Variants in CASZ1 observed in about 807,000 individuals in gnomAD.
CASZ1 encodes castor zinc finger 1.
A neutral mutation model predicts 135.2 loss-of-function variants in CASZ1; 28 were observed. The observed-to-expected ratio is 0.21, with a 90% confidence interval of 0.15 to 0.28. CASZ1 has a LOEUF of 0.28. Among genes scored for constraint, CASZ1 ranks in the 10% least tolerant of loss-of-function variants. The pLI, the probability that CASZ1 is intolerant of heterozygous loss-of-function variation, is 1.00. For synonymous variants in CASZ1, 1,068 were observed against 1,073.4 expected (o/e 0.99, Z 0.10); for missense variants, 2,161 against 2,453.3 (o/e 0.88, Z 2.52).
Position 10,648,105 on chromosome 1 carries a change from C to T in CASZ1, c.3193G>A (p.Gly1065Arg), listed in dbSNP as rs1642431900. The change falls in exon 16 of 21, where the codon GGA becomes AGA. Residue 1065 changes from glycine to arginine, a missense_variant. Around this residue, in one of 7 missense-constraint regions of CASZ1, gnomAD observed 349 missense variants for 460.8 expected, o/e 0.76. Coordinates refer to ENST00000377022, the MANE Select transcript of CASZ1 (RefSeq NM_001079843.3). ...HFRTEGGAAKGNTEAAFPASA... is the reference protein window; with the variant it reads ...HFRTEGGAAKRNTEAAFPASA... ...GCCGGAAAGGCAGCCTCTGTGTTTC[C>T]TTTTGCTGCTCCTCCCTCTGTCCGG... 6.4e-7 allele frequency: 1 copy of T among 1,554,476 alleles called. No homozygotes were observed. Among genetic ancestry groups the T allele is most frequent in the Non-Finnish European group, 8.7e-7 (1 of 1,151,038 alleles).
chr1:10,659,881 G>C lies in CASZ1; in HGVS notation c.1161C>G (p.Ala387=). The stretch of plus-strand genomic sequence containing the variant: ...CCAGGCTGGGGGTGGGCGGAACCTT[G>C]GCGGGGCCTGGCTTCTGGATGCCCC... ...DVRGIQKPGP[A]KVPPTPSLAP... Residue 387 remains alanine (A), a synonymous_variant, in exon 6 of 21, where the codon GCC becomes GCG. Transcript: ENST00000377022. 6.2e-7 allele frequency: 1 copy of C among 1,610,982 alleles called. No individual in the cohort carries two copies. Among genetic ancestry groups the C allele is most frequent in the Non-Finnish European group, 8.5e-7 (1 of 1,178,848 alleles).
In CASZ1 at chr1:10,724,063, C is replaced by T. The variant is rs369273071; in HGVS notation, c.-76-18519G>A. 3.3e-5 allele frequency among the ~76,000 whole-genome samples: 5 copies of T among 152,258 alleles called. No homozygotes were observed. Among genetic ancestry groups the T allele is most frequent in the East Asian group, 1.9e-4 (1 of 5,178 alleles). On this transcript the variant is annotated intron_variant, in intron 2 of 20. Transcript: ENST00000377022. The surrounding 1 kb of genome is among the most constrained non-coding windows in gnomAD (Gnocchi z 4.1). ...TGAGGACAAGTCCAGTTTTCCAAACCGACCTTGGAGCTCTTTGACCACAGC... is the reference window on the plus strand; with the variant it reads ...TGAGGACAAGTCCAGTTTTCCAAACTGACCTTGGAGCTCTTTGACCACAGC...
rs1197018527 is a variant in CASZ1 at position 10,777,104 on chromosome 1, G to A, written c.-233-16247C>T. 1.3e-5 allele frequency among the ~76,000 whole-genome samples: 2 copies of A among 152,172 alleles called. No homozygotes were observed. Among genetic ancestry groups the A allele is most frequent in the African/African-American group, 2.4e-5 (1 of 41,426 alleles). On this transcript the variant is annotated intron_variant, in intron 1 of 20. Coordinates refer to ENST00000377022, the MANE Select transcript of CASZ1 (RefSeq NM_001079843.3). The surrounding 1 kb of genome is among the most constrained non-coding windows in gnomAD (Gnocchi z 4.4). ...TGACTAGCTGTAGGGCCTGCGGCACGAAGCAACCTCCCTCTGGGCCTCAGT... is the reference window on the plus strand; with the variant it reads ...TGACTAGCTGTAGGGCCTGCGGCACAAAGCAACCTCCCTCTGGGCCTCAGT...
At chr1:10,791,135 T>C (rs762185187) in intron 1 of CASZ1, among the ~76,000 whole-genome samples, 10 of 150,014 alleles carry the variant, frequency 6.7e-5, no homozygotes, top group Admixed American at 2.0e-4. Context: ...ATCAGAGCTG[T>C]TGATTCCCGA....
chr1:10,785,685 G>A (rs1030025014), intron 1 of CASZ1, among the ~76,000 whole-genome samples: 12 of 152,246 alleles, frequency 7.9e-5, no homozygotes, highest in Admixed American at 6.5e-5. Flanking sequence ...ATCCATGTCA[G>A]GGGCTAAAGG....
At chr1:10,766,324 C>T (rs1388269635) in intron 1 of CASZ1, among the ~76,000 whole-genome samples, 1 of 152,204 alleles carries the variant, frequency 6.6e-6, no homozygotes, top group African/African-American at 2.4e-5. Flanking sequence ...CCAGGCTCTG[C>T]CACCCACAAG....
chr1:10,703,281 GC>G (rs982112921), intron 3 of CASZ1, among the ~76,000 whole-genome samples: 1 of 152,092 alleles, frequency 6.6e-6, no homozygotes, highest in African/African-American at 2.4e-5. Context: ...GTAGAACCGG[GC>G]CAGGGCGGCC....
chr1:10,691,830 C>A (rs1305193610), intron 4 of CASZ1, among the ~76,000 whole-genome samples: 1 of 152,174 alleles, frequency 6.6e-6, no homozygotes, highest in Non-Finnish European at 1.5e-5. Flanking sequence ...ATAAGTGAAA[C>A]TTCCAAGTTC....
Position 10,772,017 on chromosome 1 carries a change from G to A in CASZ1, c.-233-11160C>T, listed in dbSNP as rs1333211206. 1.3e-4 allele frequency among the ~76,000 whole-genome samples: 20 copies of A among 152,310 alleles called. 3 individuals are homozygous for A. Among genetic ancestry groups the A allele is most frequent in the Admixed American group, 4.6e-4 (7 of 15,306 alleles). On this transcript the variant is annotated intron_variant, in intron 1 of 20. Transcript: ENST00000377022. Reference sequence around the variant, plus strand: ...TCTCAGCAAAAGACAGAGACAAACCGGGAGCGGCACTGACTGCCAAGGCAA... The same window carrying A: ...TCTCAGCAAAAGACAGAGACAAACCAGGAGCGGCACTGACTGCCAAGGCAA...
intron 17 of CASZ1, 43 bp from the exon 18 acceptor site, chr1:10,645,131 C>G (rs1286181039): frequency 6.3e-7 from 1 of 1,584,276 alleles, no homozygotes; most frequent in Admixed American, 1.7e-5. Flanking sequence ...GGGTGACTTT[C>G]AAGAGCTCCT....
chr1:10,768,596 G>A (rs1270072162), intron 1 of CASZ1, among the ~76,000 whole-genome samples: 1 of 152,202 alleles, frequency 6.6e-6, no homozygotes, highest in East Asian at 1.9e-4. Flanking sequence ...GTGAGGAGGA[G>A]GCATCCTGGG....
chr1:10,645,141 T>C (rs1642328399), intron 17 of CASZ1, 53 bp from the exon 18 acceptor site: 2 of 1,543,616 alleles, frequency 1.3e-6, no homozygotes, highest in Middle Eastern at 1.8e-4. Flanking sequence ...CAAGAGCTCC[T>C]GCCTGCCCCG....
Position 10,637,400 on chromosome 1 carries a change from T to C in CASZ1, c.*1542A>G. On this transcript the variant is annotated 3_prime_UTR_variant, in exon 21 of 21. Coordinates refer to ENST00000377022, the MANE Select transcript of CASZ1 (RefSeq NM_001079843.3). ...GTTCGGGTGGTCCTGGCTTTCTGGC[T>C]GTGGGCAGCTGAGAGGACAAAAGAA... is the stretch of plus-strand genomic sequence containing the variant. The C allele has an allele frequency of 6.5e-6, 1 of 152,694 alleles. No individual in the cohort carries two copies. 9.5% of individuals were successfully genotyped at this position (152,694 alleles called of 1,614,324 possible). A position where few individuals can be genotyped will look rare whatever the true frequency, so the allele number is the denominator to read the frequency against.
chr1:10,765,105 A>G (rs939009265), intron 1 of CASZ1, among the ~76,000 whole-genome samples: 7 of 152,172 alleles, frequency 4.6e-5, no homozygotes, highest in African/African-American at 1.7e-4. Context: ...CTCCCCCCAC[A>G]ATGAACATCA....
chr1:10,718,823 C>A (rs1358216312), intron 2 of CASZ1, among the ~76,000 whole-genome samples: 5 of 152,266 alleles, frequency 3.3e-5, no homozygotes, highest in Non-Finnish European at 5.9e-5. Flanking sequence ...CCAAATCATT[C>A]TGCAGAACCT....
Position 10,694,816 on chromosome 1 carries a change from AG to A in CASZ1, c.-23-905del, listed in dbSNP as rs1427284958. Among the ~76,000 whole-genome samples the A allele has an allele frequency of 7.0e-6, 1 of 143,048 alleles. No individual in the cohort carries two copies. The highest frequency in any genetic ancestry group is 1.5e-5 in the Non-Finnish European group (1 of 64,730). The allele number at this position is 143,048 out of a possible 152,430, so 93.8% of individuals were successfully genotyped here. ...GGGACTTGCGCTCAGGGCTGGCGGG[AG>A]GGGACCCGGCGCGGGGCGGGGAACG... On this transcript the variant is annotated intron_variant, in intron 3 of 20. Coordinates refer to ENST00000377022, the MANE Select transcript of CASZ1 (RefSeq NM_001079843.3). This position sits in a 1 kb window ranked among gnomAD's most constrained non-coding sequence, Gnocchi z 6.6.
Position 10,676,994 on chromosome 1 carries a change from G to A in CASZ1, c.17-11423C>T, listed in dbSNP as rs1412358656. Among the ~76,000 whole-genome samples the A allele has an allele frequency of 6.6e-6, 1 of 152,270 alleles. No homozygotes were observed. The highest frequency in any genetic ancestry group is 6.5e-5 in the Admixed American group (1 of 15,288). ...GGTGCAGGGCCCCACAGACTTCAGT[G>A]CTGCCTGGGCTCTGGCACGTAGGAC... is the stretch of plus-strand genomic sequence containing the variant. On this transcript the variant is annotated intron_variant, in intron 4 of 20. Coordinates refer to ENST00000377022, the MANE Select transcript of CASZ1 (RefSeq NM_001079843.3). The surrounding 1 kb of genome is among the most constrained non-coding windows in gnomAD (Gnocchi z 4.5).
chr1:10,744,318 TG>T (rs897515306), intron 2 of CASZ1, among the ~76,000 whole-genome samples: 18 of 131,688 alleles, frequency 1.4e-4, no homozygotes, highest in Admixed American at 3.8e-4. Context: ...GGGGGTGGGG[TG>T]GGGGGCATTA....
In CASZ1 at chr1:10,773,036, G is replaced by A. The variant is rs1310581742; in HGVS notation, c.-233-12179C>T. On this transcript the variant is annotated intron_variant, in intron 1 of 20. Transcript: ENST00000377022. ...TAAGATTCCCAAGGAAAGGAAGGAG[G>A]GGAGGAAGGAAGGACCACAGAGAGG... Among the ~76,000 whole-genome samples the A allele has an allele frequency of 2.0e-5, 3 of 152,102 alleles. No homozygotes were observed. In the South Asian group the frequency reaches 6.2e-4, roughly 32 times the overall value.
Sources: gnomAD v4.1 joint callset for allele counts (sites outside exome capture counted in the v4.1 genomes callset) on GRCh38, gnomAD v4.1.1 for gene constraint, gnomAD v4.1.1 regional missense constraint, Gnocchi (gnomAD v3.1) non-coding constraint, MANE v1.5 for transcripts, NCBI Gene and HGNC (gene_info 2026-07-23, HGNC 2026-07-21) for gene names.